ZNF638: variants seen among roughly 807,000 people sequenced by gnomAD.
The protein encoded by ZNF638 is zinc finger protein 638, also known as CTCL tumor antigen se33-1.
ZNF638 carries 46 observed loss-of-function variants against 195.6 expected under a neutral mutation model. That is an observed-to-expected ratio of 0.24 (90% CI 0.19 to 0.30). The LOEUF (loss-of-function observed/expected upper bound fraction) is 0.30. Ranked by LOEUF, ZNF638 falls within the 10% of genes least tolerant of loss-of-function variation. The probability of loss-of-function intolerance (pLI) is 1.00; values close to 1 mark genes in which losing one functional copy is unlikely to be tolerated. For missense variants in ZNF638, 2,440 were observed against 2,325.3 expected (o/e 1.05, Z -1.01); for synonymous variants, 845 against 772.0 (o/e 1.09, Z -1.57).
intron 10 of ZNF638, chr2:71,388,348 C>A (rs943999540): frequency 1.8e-6 from 1 of 544,802 alleles, no homozygotes. Flanking sequence ...ATCATCTGAC[C>A]TTTGATCATC....
At chr2:71,354,121 G>A (rs1042808436) in intron 2 of ZNF638, among the ~76,000 whole-genome samples, 13 of 152,154 alleles carry the variant, frequency 8.5e-5, no homozygotes, top group African/African-American at 2.2e-4. Context: ...ATTGTCAACC[G>A]TGGTTTTAAC....
At chr2:71,337,488 C>T (rs2078689973) in intron 1 of ZNF638, among the ~76,000 whole-genome samples, 1 of 152,142 alleles carries the variant, frequency 6.6e-6, no homozygotes, top group African/African-American at 2.4e-5. Context: ...TCTCGGCTCA[C>T]TGCAATCTCT....
chr2:71,386,126 G>GAC (rs147725080), intron 10 of ZNF638, among the ~76,000 whole-genome samples: 3,430 of 152,042 alleles, frequency 0.023, 130 homozygotes, highest in African/African-American at 0.078. Flanking sequence ...ATCATAGTGA[G>GAC]ACCCAGTCTG....
intron 21 of ZNF638, among the ~76,000 whole-genome samples, chr2:71,420,716 A>G (rs552183161): frequency 1.3e-5 from 2 of 152,282 alleles, no homozygotes; most frequent in African/African-American, 2.4e-5. Context: ...TTTGATCGTT[A>G]CAAAGAGTGG....
chr2:71,405,768 A>G, intron 18 of ZNF638, 126 bp downstream of exon 18: 1 of 709,710 alleles, frequency 1.4e-6, no homozygotes, highest in Non-Finnish European at 2.3e-6. Context: ...TGGAGATGTC[A>G]GATGGGTCTT....
chr2:71,387,601 G>T (rs562759398), intron 10 of ZNF638, among the ~76,000 whole-genome samples: 1 of 152,086 alleles, frequency 6.6e-6, no homozygotes, highest in South Asian at 2.1e-4. Flanking sequence ...AACCTGGGAG[G>T]TGGAGGTTGT....
chr2:71,408,758 C>G (rs893020617), intron 20 of ZNF638: 11 of 450,684 alleles, frequency 2.4e-5, no homozygotes, highest in African/African-American at 2.2e-4. Flanking sequence ...TCCTTCTATT[C>G]CATTGTATGC....
chr2:71,393,414 C>T (rs779719818), intron 10 of ZNF638: 32 of 718,592 alleles, frequency 4.5e-5, no homozygotes, highest in African/African-American at 2.1e-4. Context: ...GATTCCAGTA[C>T]GATGCATCAG....
intron 12 of ZNF638, among the ~76,000 whole-genome samples, 154 bp downstream of exon 12, chr2:71,398,926 CAGAT>C (rs1314874284): frequency 6.6e-6 from 1 of 152,056 alleles, no homozygotes; most frequent in African/African-American, 2.4e-5. Flanking sequence ...TTATCTTTGG[CAGAT>C]AGGCAGATAT....
At chr2:71,424,400 A>C (rs1384479663) in intron 22 of ZNF638, among the ~76,000 whole-genome samples, 1 of 152,234 alleles carries the variant, frequency 6.6e-6, no homozygotes. Context: ...TTATCAGGTC[A>C]CTGATTGCCT....
At chr2:71,369,151 A>T (rs752541955) in intron 7 of ZNF638, among the ~76,000 whole-genome samples, 1 of 144,164 alleles carries the variant, frequency 6.9e-6, no homozygotes. Flanking sequence ...CCCGACCAAC[A>T]TGGTGAAACC....
intron 10 of ZNF638, among the ~76,000 whole-genome samples, chr2:71,381,861 C>G (rs1043436782): frequency 1.1e-4 from 17 of 152,124 alleles, no homozygotes; most frequent in African/African-American, 4.1e-4. Context: ...GGTACAGACT[C>G]TGGGAAATTG....
chr2:71,398,713 G>A lies in ZNF638; in HGVS notation c.2441G>A (p.Ser814Asn), dbSNP rs2079945019. 6.2e-7 allele frequency: 1 copy of A among 1,613,308 alleles called. No individual in the cohort carries two copies. Among genetic ancestry groups the A allele is most frequent in the Non-Finnish European group, 8.5e-7 (1 of 1,179,462 alleles). The change falls in exon 12 of 28, where the codon AGT becomes AAT. Residue 814 changes from serine to asparagine, a missense_variant. Physicochemically the swap from Ser to Asn is conservative, Grantham distance 46. This residue lies in a region of ZNF638 where 1,883 missense variants were observed against 1,739.1 expected (regional missense o/e 1.08). Coordinates refer to ENST00000264447, the MANE Select transcript of ZNF638 (RefSeq NM_014497.5). ...TTTTGTGATTTAGGGAAATCAGCAA[G>A]TTCTGTAAAATCTGTGGTAACGGTA... ...KVNKSTGKSA[S>N]SVKSVVTVAV... is the part of the protein sequence containing the mutation.
chr2:71,336,404 A>T (rs1198742949), intron 1 of ZNF638, among the ~76,000 whole-genome samples: 1 of 148,948 alleles, frequency 6.7e-6, no homozygotes, highest in South Asian at 2.1e-4. Flanking sequence ...AAAAAAACCA[A>T]AAAAACACAA....
At chr2:71,350,335 G>A in intron 2 of ZNF638, 64 bp downstream of exon 2, 1 of 1,483,350 alleles carries the variant, frequency 6.7e-7, no homozygotes, top group Non-Finnish European at 9.1e-7. Context: ...TCTAAATTCT[G>A]ATATGTATGC....
At position 71,431,440 on chromosome 2, in the gene ZNF638, A is replaced by T; in HGVS notation, c.5752+12A>T. On this transcript the variant is annotated intron_variant, in intron 26 of 27. Transcript: ENST00000264447. ...TGATGTCCCTGAGGGTAAAGTTAAA[A>T]TGACATTTTTTTCTTACCCATATGA... 1 of 1,611,428 alleles carries T rather than the reference A, an allele frequency of 6.2e-7. No homozygotes were observed. Among genetic ancestry groups the T allele is most frequent in the East Asian group, 2.2e-5 (1 of 44,838 alleles).
In ZNF638 at chr2:71,427,405, C is replaced by G. The variant is rs921847136; in HGVS notation, c.5536C>G (p.His1846Asp). Residue 1846 changes from histidine to aspartate, a missense_variant, in exon 24 of 28, where the codon CAC (histidine) becomes GAC (aspartate). This residue lies in a region of ZNF638 where 1,883 missense variants were observed against 1,739.1 expected (regional missense o/e 1.08). Coordinates refer to ENST00000264447, the MANE Select transcript of ZNF638 (RefSeq NM_014497.5). ...EEDLKTMIERHLTAKTPTKRV... is the reference protein window; with the variant it reads ...EEDLKTMIERDLTAKTPTKRV... Reference sequence around the variant, plus strand: ...AGATCTAAAAACCATGATTGAAAGACACTTAACAGGTAGATACTTGGAAGG... The same window carrying G: ...AGATCTAAAAACCATGATTGAAAGAGACTTAACAGGTAGATACTTGGAAGG... 3 of 1,559,844 alleles carry G rather than the reference C, an allele frequency of 1.9e-6. No homozygotes were observed. The highest frequency in any genetic ancestry group is 1.4e-5 in the African/African-American group (1 of 72,414).
chr2:71,418,161 A>G (rs2080343505), intron 20 of ZNF638: 2 of 152,540 alleles, frequency 1.3e-5, no homozygotes, highest in South Asian at 2.1e-4. Context: ...ATATCAGACA[A>G]ATATTTAAAA....
chr2:71,419,198 C>A (rs148174488), intron 21 of ZNF638, among the ~76,000 whole-genome samples: 222 of 152,254 alleles, frequency 1.5e-3, no homozygotes, highest in African/African-American at 5.2e-3. Context: ...ACGTAAAGTA[C>A]ACCCTCTCCT....
Sources: allele counts gnomAD v4.1 joint callset (sites outside exome capture counted in the v4.1 genomes callset), GRCh38; gene constraint gnomAD v4.1.1; regional missense constraint gnomAD v4.1.1; transcripts MANE v1.5; gene names NCBI Gene and HGNC (gene_info 2026-07-23, HGNC 2026-07-21).